The following THSD4 variants were observed in gnomAD, a reference collection of about 807,000 sequenced individuals.
THSD4 encodes the protein thrombospondin type-1 domain-containing protein 4.
THSD4 carries 69 observed loss-of-function variants against 119.0 expected under a neutral mutation model. The ratio of observed to expected loss-of-function variants is 0.58; its 90% CI spans 0.48 to 0.71. The LOEUF is 0.71. THSD4 is among the 30% of genes least tolerant of loss of function. The pLI is 0.00. For missense variants in THSD4, 1,393 were observed against 1,391.1 expected, an observed-to-expected ratio of 1.00 and a Z score of -0.02; for synonymous variants, 524 against 540.4, an observed-to-expected ratio of 0.97 and a Z score of 0.42.
At chr15:71,730,209 T>C (rs1021385418) in intron 9 of THSD4, 1 of 152,190 alleles carries the variant, frequency 6.6e-6, no homozygotes, top group Admixed American at 6.5e-5. Context: ...TGAAGGGGCT[T>C]GCTCTAGGTT....
At chr15:71,745,824 T>G (rs1182102440) in intron 12 of THSD4, among the ~76,000 whole-genome samples, 2 of 152,218 alleles carry the variant, frequency 1.3e-5, no homozygotes, top group Admixed American at 1.3e-4. Flanking sequence ...TTTGTATTTT[T>G]TGTAGGGACA....
chr15:71,642,455 T>C (rs909160629), intron 7 of THSD4, among the ~76,000 whole-genome samples: 4 of 152,078 alleles, frequency 2.6e-5, no homozygotes, highest in African/African-American at 9.7e-5. Context: ...ACTGGGTATA[T>C]ACCCAAAGGA....
chr15:71,661,728 G>C (rs1480617182), intron 8 of THSD4, among the ~76,000 whole-genome samples: 1 of 152,102 alleles, frequency 6.6e-6, no homozygotes, highest in Non-Finnish European at 1.5e-5. Context: ...ATTTCTAATA[G>C]ATGTAAGCAT....
chr15:71,355,431 C>T (rs781119277), intron 6 of THSD4, among the ~76,000 whole-genome samples: 10 of 152,194 alleles, frequency 6.6e-5, no homozygotes, highest in Non-Finnish European at 1.2e-4. Context: ...TGCGTGCAGA[C>T]ACTTGTTCCA....
intron 6 of THSD4, among the ~76,000 whole-genome samples, chr15:71,326,541 G>T (rs185839331): frequency 6.7e-6 from 1 of 149,518 alleles, no homozygotes; most frequent in African/African-American, 2.5e-5. Context: ...GCCAGGTGTG[G>T]TGGCACACAC....
chr15:71,218,605 G>A (rs569606442), intron 4 of THSD4, among the ~76,000 whole-genome samples: 1 of 152,096 alleles, frequency 6.6e-6, no homozygotes, highest in East Asian at 1.9e-4. Context: ...CCAAATATTA[G>A]CCTAGGAGGC....
At chr15:71,275,213 C>T (rs983308430) in intron 6 of THSD4, among the ~76,000 whole-genome samples, 3 of 151,968 alleles carry the variant, frequency 2.0e-5, no homozygotes, top group African/African-American at 4.8e-5. Flanking sequence ...CTGAGAGCAG[C>T]GATTTGCCTG....
intron 4 of THSD4, among the ~76,000 whole-genome samples, chr15:71,221,607 G>T (rs1450333523): frequency 6.6e-6 from 1 of 152,096 alleles, no homozygotes; most frequent in East Asian, 1.9e-4. Flanking sequence ...CCATATTGTA[G>T]CATATTCCTT....
intron 6 of THSD4, 67 bp from the exon 7 acceptor site, chr15:71,411,620 G>C: frequency 1.3e-6 from 2 of 1,491,806 alleles, no homozygotes; most frequent in Non-Finnish European, 1.8e-6. Context: ...AAAAGGTGCT[G>C]ATTCCACAGA....
intron 3 of THSD4, among the ~76,000 whole-genome samples, chr15:71,214,305 T>C (rs113435196): frequency 9.2e-5 from 14 of 152,320 alleles, no homozygotes; most frequent in African/African-American, 3.1e-4. Context: ...TGCTGAGGTA[T>C]CTTTGTATGC....
intron 7 of THSD4, among the ~76,000 whole-genome samples, chr15:71,503,977 A>G (rs1254878285): frequency 6.6e-6 from 1 of 152,256 alleles, no homozygotes; most frequent in African/African-American, 2.4e-5. Context: ...GGCACTCTTC[A>G]CGCAGATAGT....
intron 1 of THSD4, among the ~76,000 whole-genome samples, chr15:71,138,006 T>C (rs1274814165): frequency 6.6e-6 from 1 of 152,224 alleles, no homozygotes; most frequent in Non-Finnish European, 1.5e-5. Context: ...TGGGGACAAC[T>C]GCTCTCCCCC....
At chr15:71,256,769 C>T (rs2044322891) in intron 6 of THSD4, 54 bp downstream of exon 6, 2 of 1,510,996 alleles carry the variant, frequency 1.3e-6, no homozygotes, top group Non-Finnish European at 1.8e-6. Flanking sequence ...GTTTTCCATT[C>T]TTGTTGACTT....
intron 7 of THSD4, among the ~76,000 whole-genome samples, chr15:71,505,338 C>T (rs1368638519): frequency 2.0e-5 from 3 of 152,140 alleles, no homozygotes; most frequent in South Asian, 4.1e-4. Flanking sequence ...TACAGAGGTT[C>T]GTTGAGTATC....
Position 71,330,540 on chromosome 15 carries a change from C to T in THSD4, c.1015+73825C>T, listed in dbSNP as rs529474293. 3.9e-5 allele frequency among the ~76,000 whole-genome samples: 6 copies of T among 152,244 alleles called. No homozygotes were observed. In the South Asian group the frequency reaches 1.2e-3, roughly 32 times the overall value. On this transcript the variant is annotated intron_variant, in intron 6 of 17. Transcript: ENST00000261862. ...CCATTCTGAACTTCAGTTTCTTCTT[C>T]TGTAAAATGGAAGTAATAACAATAG...
chr15:71,268,591 A>G (rs547864622), intron 6 of THSD4, among the ~76,000 whole-genome samples: 1 of 152,060 alleles, frequency 6.6e-6, no homozygotes, highest in East Asian at 1.9e-4. Context: ...GCAGAAGACA[A>G]GAAATAACTA....
At chr15:71,772,090 C>T (rs1001472556) in intron 17 of THSD4, among the ~76,000 whole-genome samples, 5 of 152,204 alleles carry the variant, frequency 3.3e-5, no homozygotes, top group Non-Finnish European at 5.9e-5. Flanking sequence ...GTGCACCGAG[C>T]CCCTTCAGTA....
intron 5 of THSD4, among the ~76,000 whole-genome samples, chr15:71,252,577 T>C (rs999932315): frequency 1.3e-5 from 2 of 152,202 alleles, no homozygotes; most frequent in Non-Finnish European, 2.9e-5. Context: ...TATGGCTCTC[T>C]TGTCTGGGGA....
intron 6 of THSD4, among the ~76,000 whole-genome samples, chr15:71,316,798 C>G (rs2045192476): frequency 6.6e-6 from 1 of 152,166 alleles, no homozygotes; most frequent in Non-Finnish European, 1.5e-5. Flanking sequence ...TCTGAGAACA[C>G]AAATGTAATG....
Sources: allele counts gnomAD v4.1 joint callset (sites outside exome capture counted in the v4.1 genomes callset), GRCh38; gene constraint gnomAD v4.1.1; transcripts MANE v1.5; gene names NCBI Gene and HGNC (gene_info 2026-07-23, HGNC 2026-07-21).